The following SLC16A7 variants were observed in gnomAD, a reference collection of about 807,000 sequenced individuals.
SLC16A7 encodes solute carrier family 16 member 7, also known as monocarboxylate transporter 2.
SLC16A7 carries 33 observed loss-of-function variants against 34.9 expected under a neutral mutation model. That is an observed-to-expected ratio of 0.94 (90% CI 0.72 to 1.26). The LOEUF (loss-of-function observed/expected upper bound fraction) is 1.26. Among genes scored for constraint, SLC16A7 ranks in the 50% most tolerant of loss-of-function variants. SLC16A7 has a pLI of 0.00. For missense variants in SLC16A7, 573 were observed against 578.1 expected, an observed-to-expected ratio of 0.99 and a Z score of 0.09; for synonymous variants, 201 against 206.6, an observed-to-expected ratio of 0.97 and a Z score of 0.23.
Position 59,685,025 on chromosome 12 carries a change from C to T in SLC16A7, c.-30-19747C>T, listed in dbSNP as rs577426198. On this transcript the variant is annotated intron_variant, in intron 2 of 5. Coordinates refer to ENST00000547379, the MANE Select transcript of SLC16A7 (RefSeq NM_001270623.2). ...TTGTTGATGTGTTTTAGGGGAGACT[C>T]ACAATCTTGACTAGTACAGGAAGGT... Among the ~76,000 whole-genome samples, 10 of 152,180 alleles carry T rather than the reference C, an allele frequency of 6.6e-5. No homozygotes were observed. In the East Asian group the frequency reaches 1.9e-3, roughly 29 times the overall value.
intron 1 of SLC16A7, among the ~76,000 whole-genome samples, chr12:59,638,575 T>C (rs1481227888): frequency 6.6e-6 from 1 of 152,150 alleles, no homozygotes; most frequent in Non-Finnish European, 1.5e-5. Context: ...AATTTAAACA[T>C]TTTCAAAATA....
At chr12:59,776,769 G>C (rs914915058) in intron 5 of SLC16A7, among the ~76,000 whole-genome samples, 1 of 151,956 alleles carries the variant, frequency 6.6e-6, no homozygotes, top group African/African-American at 2.4e-5. Context: ...GTCCACCAGG[G>C]CTATCCTATG....
At chr12:59,646,856 AGTC>A (rs1171858729) in intron 1 of SLC16A7, among the ~76,000 whole-genome samples, 4 of 152,154 alleles carry the variant, frequency 2.6e-5, no homozygotes, top group Admixed American at 2.6e-4. Context: ...ACATGGAGTG[AGTC>A]AGCTTTTGGA....
Position 59,774,896 on chromosome 12 carries a change from A to C in SLC16A7, c.601A>C (p.Asn201His), listed in dbSNP as rs1316646272. The C allele has an allele frequency of 6.2e-7, 1 of 1,614,010 alleles. No homozygotes were observed. Among genetic ancestry groups the C allele is most frequent in the African/African-American group, 1.3e-5 (1 of 75,056 alleles). The change falls in exon 5 of 6, where the codon AAT (asparagine) becomes CAT (histidine). Residue 201 changes from asparagine (N) to histidine (H), a missense_variant. By Grantham distance (68) the Asn-to-His change is moderately conservative (BLOSUM62 1). Coordinates refer to ENST00000547379, the MANE Select transcript of SLC16A7 (RefSeq NM_001270623.2). ...TTCCCTCATGAGACCCCTTGGACCC[A>C]ATCAAACCACTTCTAAGTCTAAAAA... The part of the protein sequence containing the change: ...AGSLMRPLGP[N>H]QTTSKSKNKT...
chr12:59,765,614 G>C (rs1373993635), intron 3 of SLC16A7, among the ~76,000 whole-genome samples: 1 of 152,030 alleles, frequency 6.6e-6, no homozygotes, highest in African/African-American at 2.4e-5. Flanking sequence ...TCTTGATTTT[G>C]TCAGTTTTGT....
intron 3 of SLC16A7, among the ~76,000 whole-genome samples, chr12:59,747,786 A>C (rs1879055441): frequency 6.6e-6 from 1 of 152,248 alleles, no homozygotes; most frequent in South Asian, 2.1e-4. Context: ...TAGTGTAAGA[A>C]GAAAAAGTGG....
chr12:59,747,420 A>C (rs1879013466), intron 3 of SLC16A7, among the ~76,000 whole-genome samples: 4 of 152,368 alleles, frequency 2.6e-5, no homozygotes, highest in African/African-American at 9.6e-5. Context: ...CAAATTAAAA[A>C]ATTATAAAAT....
rs1883816562 is a variant in SLC16A7 at position 59,789,075 on chromosome 12, A to C, written c.*9396A>C. ...GTACTTATTTTGCCTACAGTTTCAA[A>C]TATATTTTCAAATTCATCTCTTTCT... On this transcript the variant is annotated 3_prime_UTR_variant, in exon 6 of 6. Coordinates refer to ENST00000547379, the MANE Select transcript of SLC16A7 (RefSeq NM_001270623.2). The C allele has an allele frequency of 6.6e-6, 1 of 152,244 alleles. No homozygotes were observed. The highest frequency in any genetic ancestry group is 3.4e-3 in the Middle Eastern group (1 of 294). The allele number at this position is 152,244 out of a possible 1,614,324, so 9.4% of individuals were successfully genotyped here.
intron 3 of SLC16A7, among the ~76,000 whole-genome samples, chr12:59,708,029 C>T (rs2137153389): frequency 6.6e-6 from 1 of 152,176 alleles, no homozygotes; most frequent in South Asian, 2.1e-4. Flanking sequence ...ATGTCTTATC[C>T]TGATAATTAG....
chr12:59,669,782 C>G (rs1272679248), intron 2 of SLC16A7, among the ~76,000 whole-genome samples: 1 of 152,110 alleles, frequency 6.6e-6, no homozygotes, highest in Non-Finnish European at 1.5e-5. Context: ...CTCAGCAGCA[C>G]AGTTAACTTG....
chr12:59,654,666 A>C (rs1868442533), intron 1 of SLC16A7, among the ~76,000 whole-genome samples: 1 of 150,936 alleles, frequency 6.6e-6, no homozygotes, highest in Non-Finnish European at 1.5e-5. Context: ...TCAAGATATT[A>C]CTTTATAAAC....
At chr12:59,749,283 C>G (rs1400434843) in intron 3 of SLC16A7, among the ~76,000 whole-genome samples, 1 of 152,184 alleles carries the variant, frequency 6.6e-6, no homozygotes. Flanking sequence ...AGCTGCCAGT[C>G]TTTTTGCTGT....
chr12:59,665,310 T>C (rs1399329195), intron 2 of SLC16A7, among the ~76,000 whole-genome samples: 2 of 152,074 alleles, frequency 1.3e-5, no homozygotes, highest in Non-Finnish European at 2.9e-5. Context: ...TTTTTTAACA[T>C]TGACATTCTG....
chr12:59,769,621 G>C (rs113464645), intron 3 of SLC16A7, among the ~76,000 whole-genome samples: 1 of 151,936 alleles, frequency 6.6e-6, no homozygotes, highest in African/African-American at 2.4e-5. Context: ...TCTTTCAAAA[G>C]ATATTGTGGA....
intron 2 of SLC16A7, among the ~76,000 whole-genome samples, chr12:59,699,426 A>G (rs1161244070): frequency 6.6e-6 from 1 of 151,712 alleles, no homozygotes; most frequent in Non-Finnish European, 1.5e-5. Flanking sequence ...CTGCATTAGA[A>G]AAAATTTTAA....
chr12:59,723,489 A>G (rs1348590550), intron 3 of SLC16A7, among the ~76,000 whole-genome samples: 1 of 151,990 alleles, frequency 6.6e-6, no homozygotes, highest in Non-Finnish European at 1.5e-5. Context: ...GGAGATGTGA[A>G]TTGCTATGGG....
Position 59,781,283 on chromosome 12 carries a change from A to G in SLC16A7, c.*1604A>G, listed in dbSNP as rs1478434046. On this transcript the variant is annotated 3_prime_UTR_variant, in exon 6 of 6. Coordinates refer to ENST00000547379, the MANE Select transcript of SLC16A7 (RefSeq NM_001270623.2). ...TTTATATCTATAAATCTGAAGTTTA[A>G]CATGATTAATTTAAAAAGTATTTAG... 1 of 142,622 alleles carries G rather than the reference A, an allele frequency of 7.0e-6. No homozygotes were observed. The highest frequency in any genetic ancestry group is 1.5e-5 in the Non-Finnish European group (1 of 66,916). The allele number at this position is 142,622 out of a possible 1,614,324, so 8.8% of individuals were successfully genotyped here.
intron 1 of SLC16A7, among the ~76,000 whole-genome samples, chr12:59,599,500 A>AG (rs1440352041): frequency 6.6e-6 from 1 of 152,214 alleles, no homozygotes; most frequent in East Asian, 1.9e-4. Flanking sequence ...GGAAAAAAAA[A>AG]GAAGGAAGAA....
chr12:59,768,839 A>C (rs574848174), intron 3 of SLC16A7, among the ~76,000 whole-genome samples: 18 of 152,162 alleles, frequency 1.2e-4, no homozygotes, highest in Admixed American at 3.3e-4. Context: ...TCTATGAAAA[A>C]AATTAAAAAG....
Sources: allele counts gnomAD v4.1 joint callset (sites outside exome capture counted in the v4.1 genomes callset), GRCh38; gene constraint gnomAD v4.1.1; transcripts MANE v1.5; gene names NCBI Gene and HGNC (gene_info 2026-07-23, HGNC 2026-07-21).